Variants in DMD observed in about 807,000 individuals in gnomAD.
DMD encodes the protein mutant dystrophin.
Under a neutral mutation model 330.1 loss-of-function variants are expected in DMD, and 63 were observed. The observed-to-expected ratio is 0.19, with a 90% CI of 0.16 to 0.24. The LOEUF (loss-of-function observed/expected upper bound fraction) is 0.24, where lower values mean the gene tolerates loss of function less well. Among genes scored for constraint, DMD ranks in the 10% least tolerant of loss-of-function variants. The probability of loss-of-function intolerance (pLI) is 1.00; values close to 1 mark genes in which losing one functional copy is unlikely to be tolerated. For missense variants in DMD, 3,344 were observed against 2,684.1 expected (o/e 1.25, Z -5.43); for synonymous variants, 1,223 against 959.8 (o/e 1.27, Z -5.07).
chrX:31,266,718 C>T lies in DMD; in HGVS notation c.9225-5702G>A, dbSNP rs910526789. ...CCCCGGGTCCAGCCGCCGCGCCTGT[C>T]CAAGTTTTGACCGCCTCAGCTTGCC... On this transcript the variant is annotated intron_variant, in intron 62 of 78. Transcript: ENST00000357033. The T allele has an allele frequency of 2.5e-3, 2,420 of 949,527 alleles. 4 individuals carry two copies. Among genetic ancestry groups the T allele is most frequent in the Non-Finnish European group, 3.4e-3 (2,292 of 674,058 alleles). 78.3% of individuals were successfully genotyped at this position (949,527 alleles called of 1,213,427 possible).
At chrX:31,723,734 C>G (rs1281094111) in intron 52 of DMD, among the ~76,000 whole-genome samples, 1 of 109,159 alleles carries the variant, frequency 9.2e-6, no homozygotes. Flanking sequence ...CTCCTGTCAT[C>G]AATTCCTGAA....
intron 17 of DMD, among the ~76,000 whole-genome samples, chrX:32,520,742 T>C (rs1186462484): frequency 9.0e-6 from 1 of 111,431 alleles, no homozygotes; most frequent in Non-Finnish European, 1.9e-5. Context: ...ACTTTCCAAA[T>C]AAACTGCTTG....
At chrX:32,686,559 C>CAAAAAAAAAAAAA (rs750534167) in intron 9 of DMD, among the ~76,000 whole-genome samples, 11 of 28,573 alleles carry the variant, frequency 3.8e-4, no homozygotes, top group African/African-American at 1.2e-3. Flanking sequence ...AACTCCATCT[C>CAAAAAAAAAAAAA]AAAAAAAAAA....
intron 44 of DMD, among the ~76,000 whole-genome samples, chrX:32,214,870 C>T (rs1472222928): frequency 9.0e-6 from 1 of 111,389 alleles, no homozygotes; most frequent in Non-Finnish European, 1.9e-5. Context: ...TACCAGTCAT[C>T]CAAAGAAGCA....
chrX:31,227,580 C>T (rs951843011), intron 63 of DMD, among the ~76,000 whole-genome samples: 12 of 111,039 alleles, frequency 1.1e-4, no homozygotes, highest in African/African-American at 2.0e-4. Context: ...CTTGGCAATG[C>T]GGGCTCTTTT....
chrX:33,279,972 A>C (rs199877655), intron 1 of DMD, among the ~76,000 whole-genome samples: 33 of 12,791 alleles, frequency 2.6e-3, no homozygotes, highest in East Asian at 0.056. Context: ...ATCTAGATAT[A>C]TGGTTTGCCA....
At chrX:33,282,687 C>G (rs1265732331) in intron 1 of DMD, among the ~76,000 whole-genome samples, 1 of 111,905 alleles carries the variant, frequency 8.9e-6, no homozygotes, top group Non-Finnish European at 1.9e-5. Flanking sequence ...GGCACTTACC[C>G]TAGCTGCTTA....
At chrX:32,572,764 T>C (rs1325413586) in intron 15 of DMD, among the ~76,000 whole-genome samples, 2 of 110,886 alleles carry the variant, frequency 1.8e-5, no homozygotes, top group East Asian at 5.7e-4. Flanking sequence ...CATGTTGAAA[T>C]GTGATTCCCA....
At chrX:32,387,063 T>C (rs1469787643) in intron 32 of DMD, among the ~76,000 whole-genome samples, 2 of 111,110 alleles carry the variant, frequency 1.8e-5, no homozygotes, top group Non-Finnish European at 3.8e-5. Flanking sequence ...GTTAATTAAA[T>C]TACACAACTT....
At chrX:31,401,231 A>G (rs769802420) in intron 60 of DMD, among the ~76,000 whole-genome samples, 1 of 111,917 alleles carries the variant, frequency 8.9e-6, no homozygotes, top group African/African-American at 3.2e-5. Flanking sequence ...ATTGGCCCTT[A>G]GTTTCCATAT....
chrX:32,000,585 G>A (rs1172631580), intron 44 of DMD, among the ~76,000 whole-genome samples: 1 of 111,070 alleles, frequency 9.0e-6, no homozygotes, highest in Non-Finnish European at 1.9e-5. Flanking sequence ...CTATTTAAAG[G>A]ATTTATTTTT....
chrX:32,991,196 T>C (rs1905540468), intron 2 of DMD, among the ~76,000 whole-genome samples: 1 of 111,505 alleles, frequency 9.0e-6, no homozygotes, highest in African/African-American at 3.2e-5. Flanking sequence ...GGTACTTTGA[T>C]TTTTGTTAAA....
chrX:31,720,891 T>C (rs558490103), intron 52 of DMD, among the ~76,000 whole-genome samples: 1 of 111,846 alleles, frequency 8.9e-6, no homozygotes, highest in Non-Finnish European at 1.9e-5. Context: ...TTTTAAATCC[T>C]ATTCAAATAT....
At position 32,937,764 on chromosome X, in the gene DMD, G is replaced by A. The variant is rs566907213; in HGVS notation, c.93+82375C>T. On this transcript the variant is annotated intron_variant, in intron 2 of 78. Coordinates refer to ENST00000357033, the MANE Select transcript of DMD (RefSeq NM_004006.3). ...CGTTACACAACCTGTATCTGAACAC[G>A]ATGAGTCTCTCTTCCTCCTTTGATT... Among the ~76,000 whole-genome samples the A allele has an allele frequency of 1.7e-4, 19 of 109,690 alleles. No homozygotes were observed. The South Asian group carries it at 7.3e-3, about 42-fold the overall frequency.
chrX:32,441,525 TAATG>T (rs2098281508), intron 27 of DMD, among the ~76,000 whole-genome samples: 1 of 111,676 alleles, frequency 9.0e-6, no homozygotes, highest in Non-Finnish European at 1.9e-5. Flanking sequence ...ATTACATGAA[TAATG>T]AATAAATTCA....
At chrX:31,225,912 T>C (rs149695280) in intron 63 of DMD, among the ~76,000 whole-genome samples, 130 of 112,160 alleles carry the variant, frequency 1.2e-3, no homozygotes, top group Non-Finnish European at 1.9e-3. Context: ...TTTGTACCCA[T>C]TGGCTAATAA....
intron 44 of DMD, among the ~76,000 whole-genome samples, chrX:32,068,671 T>A (rs2147769101): frequency 9.0e-6 from 1 of 111,133 alleles, no homozygotes; most frequent in East Asian, 2.8e-4. Flanking sequence ...TAAAAAAATA[T>A]AACTTTTAAG....
chrX:31,192,856 A>C (rs1480703053), intron 67 of DMD, among the ~76,000 whole-genome samples: 1 of 112,247 alleles, frequency 8.9e-6, no homozygotes, highest in African/African-American at 3.2e-5. Flanking sequence ...ATTTGTTTGA[A>C]AGTACTAGAG....
intron 45 of DMD, among the ~76,000 whole-genome samples, chrX:31,949,846 G>A (rs1160076514): frequency 9.1e-6 from 1 of 109,712 alleles, no homozygotes; most frequent in African/African-American, 3.3e-5. Flanking sequence ...ATTTCTGTAG[G>A]GTTGGTAGTA....
Sources: allele counts gnomAD v4.1 joint callset (sites outside exome capture counted in the v4.1 genomes callset), GRCh38; gene constraint gnomAD v4.1.1; transcripts MANE v1.5; gene names NCBI Gene and HGNC (gene_info 2026-07-23, HGNC 2026-07-21).